The following TTC6 variants were observed in gnomAD, a reference collection of about 807,000 sequenced individuals.
TTC6 encodes the protein tetratricopeptide repeat protein 6.
In TTC6, 172 loss-of-function variants were observed where a neutral mutation model predicts 210.4. The observed-to-expected ratio is 0.82, with a 90% CI of 0.72 to 0.93. The LOEUF (loss-of-function observed/expected upper bound fraction) is 0.93, where lower values mean the gene tolerates loss of function less well. Among genes scored for constraint, TTC6 ranks in the 40% least tolerant of loss-of-function variants. TTC6 has a pLI of 0.00. For synonymous variants in TTC6, 804 were observed against 819.6 expected (o/e 0.98, Z 0.32); for missense variants, 2,414 against 2,318.1 (o/e 1.04, Z -0.85).
chr14:37,617,844 G>A (rs1312433351), upstream of TTC6, among the ~76,000 whole-genome samples: 1 of 152,230 alleles, frequency 6.6e-6, no homozygotes, highest in Non-Finnish European at 1.5e-5. Context: ...AGTTTAGGAG[G>A]TATGTCAGTT....
At chr14:37,741,558 G>A in intron 10 of TTC6, among the ~76,000 whole-genome samples, 1 of 152,054 alleles carries the variant, frequency 6.6e-6, no homozygotes, top group East Asian at 1.9e-4. Flanking sequence ...CCAAAGTGCT[G>A]GGATTACAGG....
chr14:37,693,277 G>A (rs894333920), intron 3 of TTC6, among the ~76,000 whole-genome samples: 6 of 151,944 alleles, frequency 3.9e-5, no homozygotes, highest in Non-Finnish European at 7.4e-5. Context: ...GAAGTAAAAA[G>A]TAGTCCCATT....
At chr14:37,733,285 C>G (rs2095892795) in intron 7 of TTC6, among the ~76,000 whole-genome samples, 1 of 151,960 alleles carries the variant, frequency 6.6e-6, no homozygotes, top group African/African-American at 2.4e-5. Context: ...TAAATTTTAC[C>G]CATATATTTA....
rs2095611125 is a variant in TTC6 at position 37,599,479 on chromosome 14, C to T, written c.-235+3471C>T. ...CGCATAAACATACCCAGGGCTTTCACTTATTTTATTGAAGCAAACAAACAA... is the reference window on the plus strand; with the variant it reads ...CGCATAAACATACCCAGGGCTTTCATTTATTTTATTGAAGCAAACAAACAA... On this transcript the variant is annotated intron_variant, in intron 1 of 2. Transcript: ENST00000556845. Among the ~76,000 whole-genome samples, 3 of 152,182 alleles carry T rather than the reference C, an allele frequency of 2.0e-5. No individual in the cohort carries two copies. The South Asian group carries it at 6.2e-4, about 31-fold the overall frequency.
exon 3 of TTC6, chr14:37,682,907 T>C: frequency 6.5e-7 from 1 of 1,535,596 alleles, no homozygotes; most frequent in Non-Finnish European, 8.7e-7. Context: ...TAAGTAAACC[T>C]TTGGAAGATG....
chr14:37,737,546 G>A lies in TTC6; in HGVS notation c.1909-114G>A, dbSNP rs146430657. On this transcript the variant is annotated intron_variant, in intron 8 of 30. Transcript: ENST00000553443. ...AAACTCAGTATCTGTATTTTAATCA[G>A]TATTTCTGAATTTCATTAATTTACC... 4.0e-3 allele frequency: 2,031 copies of A among 510,250 alleles called. 31 individuals carry two copies. The highest frequency in any genetic ancestry group is 9.4e-3 in the East Asian group (282 of 29,942). The allele number at this position is 510,250 out of a possible 1,614,324, so 31.6% of individuals were successfully genotyped here. A position where few individuals can be genotyped will look rare whatever the true frequency, so the allele number is the denominator to read the frequency against.
intron 1 of TTC6, among the ~76,000 whole-genome samples, chr14:37,651,462 G>T (rs2095712976): frequency 2.7e-5 from 2 of 73,676 alleles, no homozygotes; most frequent in African/African-American, 4.8e-5. Context: ...TTCCATCCAT[G>T]ATTCATTTTT....
intron 7 of TTC6, among the ~76,000 whole-genome samples, chr14:37,729,056 G>T (rs12890192): frequency 0.029 from 4,381 of 151,692 alleles, 101 homozygotes; most frequent in Admixed American, 0.045. Flanking sequence ...CTACATCTTG[G>T]TTTTTTTCAC....
In TTC6 at chr14:37,751,034, T is replaced by A; in HGVS notation, c.2957-19T>A. ...GAAAGGATTATAACTCCAAATTTTA[T>A]CTTTTTAATTTTCTTTAGAGGCATA... On this transcript the variant is annotated intron_variant, in intron 12 of 30. Coordinates refer to ENST00000553443, the Ensembl canonical transcript of TTC6. 1 of 1,486,040 alleles carries A rather than the reference T, an allele frequency of 6.7e-7. No homozygotes were observed. Among genetic ancestry groups the A allele is most frequent in the South Asian group, 1.3e-5 (1 of 77,280 alleles). The allele number at this position is 1,486,040 out of a possible 1,614,324, so 92.1% of individuals were successfully genotyped here.
At chr14:37,600,987 A>AGC (rs2139212917) in intron 1 of TTC6, among the ~76,000 whole-genome samples, 1 of 152,384 alleles carries the variant, frequency 6.6e-6, no homozygotes, top group South Asian at 2.1e-4. Flanking sequence ...ACTATGAAGC[A>AGC]GCCTCCTTGG....
At chr14:37,829,214 G>A (rs1241990866) in intron 29 of TTC6, among the ~76,000 whole-genome samples, 2 of 151,866 alleles carry the variant, frequency 1.3e-5, no homozygotes, top group East Asian at 3.9e-4. Context: ...TACTTTGAGA[G>A]CTAATTTGAA....
chr14:37,624,777 A>C (rs1468359801), intron 1 of TTC6, among the ~76,000 whole-genome samples: 1 of 151,840 alleles, frequency 6.6e-6, no homozygotes, highest in Admixed American at 6.6e-5. Context: ...GCCCACCACT[A>C]TGCCCGGCTA....
intron 2 of TTC6, among the ~76,000 whole-genome samples, chr14:37,611,048 T>G (rs2095633416): frequency 6.6e-6 from 1 of 152,230 alleles, no homozygotes; most frequent in Non-Finnish European, 1.5e-5. Flanking sequence ...GAGCAGCGTC[T>G]TTTTAGCGCC....
intron 14 of TTC6, among the ~76,000 whole-genome samples, chr14:37,783,427 T>C (rs2096060117): frequency 6.6e-6 from 1 of 152,224 alleles, no homozygotes; most frequent in Non-Finnish European, 1.5e-5. Flanking sequence ...TAGAGATGTT[T>C]ATAGTATTCT....
At chr14:37,657,217 A>G (rs2095725937) in intron 1 of TTC6, among the ~76,000 whole-genome samples, 1 of 147,608 alleles carries the variant, frequency 6.8e-6, no homozygotes, top group Admixed American at 6.7e-5. Flanking sequence ...TGTCTCAAAA[A>G]AAAAAAAAAA....
chr14:37,763,481 C>T (rs539348728), intron 14 of TTC6, among the ~76,000 whole-genome samples: 1 of 152,216 alleles, frequency 6.6e-6, no homozygotes, highest in African/African-American at 2.4e-5. Context: ...AATTTCTTCG[C>T]TTGATATGAT....
chr14:37,713,603 T>C (rs2138753864), intron 5 of TTC6, among the ~76,000 whole-genome samples: 1 of 152,236 alleles, frequency 6.6e-6, no homozygotes, highest in Admixed American at 6.5e-5. Context: ...ATGGAATGGG[T>C]GTTAAGTGGC....
At chr14:37,818,674 A>G (rs2096148139) in intron 26 of TTC6, among the ~76,000 whole-genome samples, 1 of 152,142 alleles carries the variant, frequency 6.6e-6, no homozygotes, top group African/African-American at 2.4e-5. Flanking sequence ...TGAGCAGAGT[A>G]ATACCATAAC....
upstream of TTC6, among the ~76,000 whole-genome samples, chr14:37,621,162 G>C (rs189569138): frequency 1.6e-3 from 246 of 152,304 alleles, no homozygotes; most frequent in Admixed American, 2.5e-3. Flanking sequence ...GGGACCAGCT[G>C]GAGAGAGAAG....
Sources: allele counts gnomAD v4.1 joint callset (sites outside exome capture counted in the v4.1 genomes callset), GRCh38; gene constraint gnomAD v4.1.1; transcripts MANE v1.5; gene names NCBI Gene and HGNC (gene_info 2026-07-23, HGNC 2026-07-21).